Variants in CNTN4 observed in about 807,000 individuals in gnomAD.
CNTN4 encodes the protein contactin 4.
In CNTN4, 77 loss-of-function variants were observed where a neutral mutation model predicts 122.5. The ratio of observed to expected loss-of-function variants is 0.63; its 90% CI spans 0.52 to 0.76. CNTN4 has a LOEUF of 0.76. Among genes scored for constraint, CNTN4 ranks in the 30% least tolerant of loss-of-function variants. The pLI, the probability that CNTN4 is intolerant of heterozygous loss-of-function variation, is 0.00. For missense variants in CNTN4, 1,256 were observed against 1,259.1 expected (o/e 1.00, Z 0.04); for synonymous variants, 512 against 447.0 (o/e 1.15, Z -1.83).
chr3:2,834,655 G>C (rs2093177125), intron 7 of CNTN4, among the ~76,000 whole-genome samples: 1 of 151,984 alleles, frequency 6.6e-6, no homozygotes, highest in Non-Finnish European at 1.5e-5. Context: ...AAGCATACAT[G>C]AAGTATAGAA....
chr3:2,782,274 G>A (rs1026608573), intron 6 of CNTN4, among the ~76,000 whole-genome samples: 3 of 150,818 alleles, frequency 2.0e-5, no homozygotes, highest in African/African-American at 7.3e-5. Flanking sequence ...TGAGGAGGAA[G>A]TCCATTTAGA....
intron 13 of CNTN4, among the ~76,000 whole-genome samples, chr3:2,931,026 G>A (rs1464543272): frequency 6.6e-6 from 1 of 152,156 alleles, no homozygotes; most frequent in Non-Finnish European, 1.5e-5. Flanking sequence ...AGAAGACCAT[G>A]GACAGAATTG....
chr3:2,294,667 A>G (rs1390194091), intron 2 of CNTN4, among the ~76,000 whole-genome samples: 2 of 152,122 alleles, frequency 1.3e-5, no homozygotes, highest in African/African-American at 2.4e-5. Flanking sequence ...GGCTGTCTCT[A>G]ATTCTTTCTT....
chr3:2,596,688 CT>C (rs1316661509), intron 4 of CNTN4, among the ~76,000 whole-genome samples: 1 of 152,090 alleles, frequency 6.6e-6, no homozygotes, highest in Non-Finnish European at 1.5e-5. Flanking sequence ...TCATTTGCCC[CT>C]GTTCACTCTA....
intron 3 of CNTN4, among the ~76,000 whole-genome samples, chr3:2,519,043 A>T (rs9819514): frequency 0.35 from 53,708 of 151,924 alleles, 10,451 homozygotes; most frequent in African/African-American, 0.51. Flanking sequence ...TGTACAGAAT[A>T]CCCTTGGTTT....
At chr3:2,617,419 C>CTTTTTTTTTTTTT (rs71058631) in intron 4 of CNTN4, among the ~76,000 whole-genome samples, 2 of 108,526 alleles carry the variant, frequency 1.8e-5, no homozygotes, top group African/African-American at 7.3e-5. Context: ...AGAGAAATGC[C>CTTTTTTTTTTTTT]TTTTTTTTTT....
chr3:2,981,163 G>A (rs1345581198), intron 13 of CNTN4, among the ~76,000 whole-genome samples: 11 of 152,164 alleles, frequency 7.2e-5, no homozygotes, highest in Admixed American at 7.2e-4. Context: ...GGAAAACCTG[G>A]GCCGGGCGCG....
intron 14 of CNTN4, among the ~76,000 whole-genome samples, chr3:3,010,718 C>T (rs1391927): frequency 2.6e-5 from 4 of 151,792 alleles, no homozygotes; most frequent in South Asian, 2.1e-4. Flanking sequence ...TTAAGACCTA[C>T]GTCGTTCACC....
At chr3:2,916,162 G>A (rs1176420391) in intron 12 of CNTN4, among the ~76,000 whole-genome samples, 1 of 152,076 alleles carries the variant, frequency 6.6e-6, no homozygotes, top group Non-Finnish European at 1.5e-5. Flanking sequence ...TGTCAAGATG[G>A]TAAATTTTAT....
chr3:2,735,713 T>C (rs1292240229), intron 4 of CNTN4, among the ~76,000 whole-genome samples: 1 of 152,164 alleles, frequency 6.6e-6, no homozygotes, highest in East Asian at 1.9e-4. Flanking sequence ...ACATAGTCAT[T>C]TTGAGGAAGT....
At chr3:2,392,525 T>C (rs2046477126) in intron 3 of CNTN4, among the ~76,000 whole-genome samples, 1 of 152,178 alleles carries the variant, frequency 6.6e-6, no homozygotes, top group Non-Finnish European at 1.5e-5. Flanking sequence ...TATTTTAAAT[T>C]ACACATAATT....
At position 2,319,386 on chromosome 3, in the gene CNTN4, C is replaced by G. The variant is rs539845526; in HGVS notation, c.-144-19792C>G. 7.2e-5 allele frequency among the ~76,000 whole-genome samples: 11 copies of G among 152,250 alleles called. No individual in the cohort carries two copies. The East Asian group carries it at 2.1e-3, about 29-fold the overall frequency. ...ACACTTAACCCTTGAACAACGTTAG[C>G]TGCATGAATCCACTAATACCCACAT... On this transcript the variant is annotated intron_variant, in intron 2 of 24. Coordinates refer to ENST00000418658, the MANE Select transcript of CNTN4 (RefSeq NM_175607.3).
At chr3:2,279,740 GTA>G (rs1055373387) in intron 2 of CNTN4, among the ~76,000 whole-genome samples, 1 of 151,006 alleles carries the variant, frequency 6.6e-6, no homozygotes. Flanking sequence ...CAGAATTTTG[GTA>G]TATATATATG....
intron 3 of CNTN4, among the ~76,000 whole-genome samples, chr3:2,457,155 C>T (rs1362279642): frequency 1.3e-5 from 2 of 152,090 alleles, no homozygotes; most frequent in Admixed American, 1.3e-4. Flanking sequence ...CTGCTGTTCC[C>T]TCCCCAATAC....
At chr3:2,476,309 G>A (rs954912924) in intron 3 of CNTN4, among the ~76,000 whole-genome samples, 2 of 152,110 alleles carry the variant, frequency 1.3e-5, no homozygotes, top group African/African-American at 4.8e-5. Context: ...TTAAGATTTT[G>A]GCGTTTCCAC....
At chr3:2,378,970 T>G (rs1363827498) in intron 3 of CNTN4, among the ~76,000 whole-genome samples, 1 of 152,158 alleles carries the variant, frequency 6.6e-6, no homozygotes, top group Non-Finnish European at 1.5e-5. Context: ...GGTAGTTTAA[T>G]CAGTCACCAT....
chr3:2,377,414 C>G (rs1310338219), intron 3 of CNTN4, among the ~76,000 whole-genome samples: 1 of 152,188 alleles, frequency 6.6e-6, no homozygotes, highest in African/African-American at 2.4e-5. Context: ...CTTCCTCACC[C>G]ACACACAGGT....
At chr3:2,850,699 C>G (rs558676843) in intron 7 of CNTN4, among the ~76,000 whole-genome samples, 6 of 152,320 alleles carry the variant, frequency 3.9e-5, no homozygotes, top group African/African-American at 1.4e-4. Flanking sequence ...TCCCATGACT[C>G]TCTTTGTTAG....
At chr3:2,886,920 G>T in intron 9 of CNTN4, 120 bp from the exon 10 acceptor site, 1 of 728,902 alleles carries the variant, frequency 1.4e-6, no homozygotes, top group Non-Finnish European at 2.3e-6. Flanking sequence ...ATAGAGGAAT[G>T]AATGAAGTTT....
Sources: gnomAD v4.1 joint callset for allele counts (sites outside exome capture counted in the v4.1 genomes callset) on GRCh38, gnomAD v4.1.1 for gene constraint, MANE v1.5 for transcripts, NCBI Gene and HGNC (gene_info 2026-07-23, HGNC 2026-07-21) for gene names.